SYN1: variants seen among roughly 807,000 people sequenced by gnomAD.
The protein encoded by SYN1 is synapsin I.
A neutral mutation model predicts 44.6 loss-of-function variants in SYN1; 8 were observed. That is an observed-to-expected ratio of 0.18 (90% CI 0.11 to 0.32). The LOEUF is 0.32. Ranked by LOEUF, SYN1 falls within the 10% of genes least tolerant of loss-of-function variation. The pLI is 1.00. For synonymous variants in SYN1, 275 were observed against 280.1 expected (o/e 0.98, Z 0.18); for missense variants, 451 against 639.4 (o/e 0.71, Z 3.18).
At chrX:47,585,761 T>G in intron 5 of SYN1, 1 of 1,172,094 alleles carries the variant, frequency 8.5e-7, no homozygotes, top group Non-Finnish European at 1.1e-6. Context: ...GGCTATTCTG[T>G]GTCCCTGTGG....
chrX:47,593,812 T>C (rs2057855663), intron 5 of SYN1, among the ~76,000 whole-genome samples: 1 of 112,533 alleles, frequency 8.9e-6, no homozygotes, highest in Non-Finnish European at 1.9e-5. Context: ...GGGTCGATTT[T>C]GGTAAACTGT....
intron 3 of SYN1, among the ~76,000 whole-genome samples, chrX:47,605,618 CT>C (rs754618842): frequency 1.8e-5 from 2 of 111,630 alleles, no homozygotes; most frequent in East Asian, 5.6e-4. Context: ...CAGCTTGCAG[CT>C]TACCGACACA....
At chrX:47,599,020 CA>C (rs937287257) in intron 5 of SYN1, among the ~76,000 whole-genome samples, 1 of 100,725 alleles carries the variant, frequency 9.9e-6, no homozygotes. Context: ...GACCCTGTAT[CA>C]AAAAAAAATA....
At chrX:47,599,688 A>G (rs1316485811) in intron 5 of SYN1, among the ~76,000 whole-genome samples, 2 of 112,526 alleles carry the variant, frequency 1.8e-5, no homozygotes, top group African/African-American at 6.5e-5. Flanking sequence ...ATGTGAAAAT[A>G]ATAATAAAAA....
intron 1 of SYN1, among the ~76,000 whole-genome samples, chrX:47,615,904 AG>A (rs1232805903): frequency 9.0e-6 from 1 of 111,445 alleles, no homozygotes; most frequent in Non-Finnish European, 1.9e-5. Flanking sequence ...AAAAAAAAAA[AG>A]AAAGAAAAAC....
chrX:47,578,372 C>T (rs73206128), intron 5 of SYN1, among the ~76,000 whole-genome samples: 13,752 of 110,939 alleles, frequency 0.12, 815 homozygotes, highest in Non-Finnish European at 0.18. Flanking sequence ...GCAAATAAGG[C>T]CCTACACAAC....
At chrX:47,607,907 G>A (rs2057903465) in intron 1 of SYN1, among the ~76,000 whole-genome samples, 1 of 111,069 alleles carries the variant, frequency 9.0e-6, no homozygotes. Flanking sequence ...GTGCATGCCT[G>A]TATTCCCAGC....
chrX:47,604,616 A>C (rs2057890681), intron 5 of SYN1: 1 of 220,179 alleles, frequency 4.5e-6, no homozygotes, highest in Non-Finnish European at 8.3e-6. Flanking sequence ...AATATAGGTA[A>C]AATTTCTATC....
intron 10 of SYN1, 73 bp from the exon 11 acceptor site, chrX:47,574,848 C>G: frequency 9.9e-7 from 1 of 1,012,789 alleles, no homozygotes; most frequent in Non-Finnish European, 1.4e-6. Context: ...AGTGATGACA[C>G]AGGTTCCCTG....
At chrX:47,611,156 G>A (rs2057915540) in intron 1 of SYN1, among the ~76,000 whole-genome samples, 1 of 111,807 alleles carries the variant, frequency 8.9e-6, no homozygotes, top group African/African-American at 3.3e-5. Context: ...GTTTCAGTAG[G>A]GAAGTCCAAA....
At chrX:47,610,038 C>T (rs534158996) in intron 1 of SYN1, among the ~76,000 whole-genome samples, 1 of 111,652 alleles carries the variant, frequency 9.0e-6, no homozygotes. Context: ...CATTGAGTAG[C>T]TGAAGAAAGA....
chrX:47,616,616 C>T (rs1265156856), intron 1 of SYN1, among the ~76,000 whole-genome samples: 1 of 111,500 alleles, frequency 9.0e-6, no homozygotes, highest in Admixed American at 9.5e-5. Flanking sequence ...GGTGAGTGGA[C>T]GTTGGTGAAG....
chrX:47,582,957 AC>A lies in SYN1; in HGVS notation c.775-5457del, dbSNP rs200336899. On this transcript the variant is annotated intron_variant, in intron 5 of 12. Coordinates refer to ENST00000295987, the MANE Select transcript of SYN1 (RefSeq NM_006950.3). Reference sequence around the variant, plus strand: ...CCTCCAAACTCCCCCAGCTCCCTAAACCCCCAACCTCCTCCAAATTCCTCAA... The same window carrying A: ...CCTCCAAACTCCCCCAGCTCCCTAAACCCCAACCTCCTCCAAATTCCTCAA... 3.5e-3 allele frequency among the ~76,000 whole-genome samples: 210 copies of A among 59,271 alleles called. 2 individuals are homozygous for A. Among genetic ancestry groups the A allele is most frequent in the African/African-American group, 0.014 (198 of 14,413 alleles). The allele number at this position is 59,271 out of a possible 115,157, so 51.5% of individuals were successfully genotyped here. A position where few individuals can be genotyped will look rare whatever the true frequency, so the allele number is the denominator to read the frequency against.
rs778532334 is a variant in SYN1, at chrX:47,608,424, ATC to A, written c.378-1228_378-1227del. 4.3e-4 allele frequency among the ~76,000 whole-genome samples: 48 copies of A among 112,066 alleles called. No homozygotes were observed. The East Asian group carries it at 0.013, about 31-fold the overall frequency. Reference sequence around the variant, plus strand: ...TGTGTCTGGCTGTGTGGCCTGAAGCATCTCTCTGCTCTCTGGCCCTTTCGCAA... The same window carrying A: ...TGTGTCTGGCTGTGTGGCCTGAAGCATCTCTGCTCTCTGGCCCTTTCGCAA... On this transcript the variant is annotated intron_variant, in intron 1 of 12. Coordinates refer to ENST00000295987, the MANE Select transcript of SYN1 (RefSeq NM_006950.3).
intron 6 of SYN1, 95 bp from the exon 7 acceptor site, chrX:47,576,735 G>T: frequency 9.1e-7 from 1 of 1,097,702 alleles, no homozygotes; most frequent in Non-Finnish European, 1.2e-6. Flanking sequence ...TGACACACAG[G>T]TGAGGCGAGT....
intron 1 of SYN1, 134 bp from the exon 2 acceptor site, chrX:47,607,332 T>A (rs1267559116): frequency 1.8e-6 from 1 of 550,028 alleles, no homozygotes; most frequent in East Asian, 3.7e-5. Flanking sequence ...TGAAATATTT[T>A]GAAAAAATCA....
At chrX:47,608,297 GAA>G in intron 1 of SYN1, among the ~76,000 whole-genome samples, 1 of 100,896 alleles carries the variant, frequency 9.9e-6, no homozygotes, top group Admixed American at 1.1e-4. Context: ...GAAGGGGAAG[GAA>G]GGAAGGGGAA....
At chrX:47,578,945 C>CG (rs969116940) in intron 5 of SYN1, among the ~76,000 whole-genome samples, 1 of 111,686 alleles carries the variant, frequency 9.0e-6, no homozygotes, top group Non-Finnish European at 1.9e-5. Flanking sequence ...GATGTTGGGA[C>CG]GGGGGTTTGG....
intron 5 of SYN1, among the ~76,000 whole-genome samples, chrX:47,603,037 A>G (rs2057884688): frequency 9.0e-6 from 1 of 111,387 alleles, no homozygotes; most frequent in African/African-American, 3.3e-5. Flanking sequence ...AGCAGTTAGA[A>G]TGTTAACCAT....
Sources: allele counts gnomAD v4.1 joint callset (sites outside exome capture counted in the v4.1 genomes callset), GRCh38; gene constraint gnomAD v4.1.1; transcripts MANE v1.5; gene names NCBI Gene and HGNC (gene_info 2026-07-23, HGNC 2026-07-21).